ATP2B3: variants seen among roughly 807,000 people sequenced by gnomAD.
ATP2B3 encodes the protein plasma membrane calcium-transporting ATPase 3.
ATP2B3 carries 12 observed loss-of-function variants against 70.8 expected under a neutral mutation model. That is an observed-to-expected ratio of 0.17 (90% confidence interval 0.11 to 0.27). The LOEUF (loss-of-function observed/expected upper bound fraction) is 0.27. Ranked by LOEUF, ATP2B3 falls within the 10% of genes least tolerant of loss-of-function variation. The pLI is 1.00. For missense variants in ATP2B3, 858 were observed against 1,118.5 expected, an observed-to-expected ratio of 0.77 and a Z score of 3.32; for synonymous variants, 460 against 497.8, an observed-to-expected ratio of 0.92 and a Z score of 1.01.
At chrX:153,542,616 G>A (rs2090303763) in intron 6 of ATP2B3, among the ~76,000 whole-genome samples, 168 bp downstream of exon 6, 1 of 113,061 alleles carries the variant, frequency 8.8e-6, no homozygotes, top group Non-Finnish European at 1.9e-5. Flanking sequence ...GAGGCCTGAT[G>A]GTGGCAGCTC....
intron 2 of ATP2B3, among the ~76,000 whole-genome samples, chrX:153,522,411 C>T (rs1556998122): frequency 1.8e-5 from 2 of 112,139 alleles, no homozygotes; most frequent in Non-Finnish European, 3.8e-5. Context: ...CGAGGCCAGC[C>T]GGTATCTCCC....
At chrX:153,563,902 G>A (rs782498059) in intron 20 of ATP2B3, among the ~76,000 whole-genome samples, 6 of 112,845 alleles carry the variant, frequency 5.3e-5, no homozygotes, top group Non-Finnish European at 9.4e-5. Flanking sequence ...GGCCATGTTC[G>A]ACAAATACAC....
chrX:153,530,520 C>G (rs2090098683), intron 2 of ATP2B3, among the ~76,000 whole-genome samples: 1 of 112,965 alleles, frequency 8.9e-6, no homozygotes, highest in Middle Eastern at 4.6e-3. Context: ...TCCTCCTTGT[C>G]TGGACCCTTG....
intron 18 of ATP2B3, 35 bp from the exon 19 acceptor site, chrX:153,560,641 A>G: frequency 2.5e-6 from 3 of 1,199,712 alleles, no homozygotes; most frequent in Non-Finnish European, 3.4e-6. Flanking sequence ...ATGCGCTGAG[A>G]TGACTGTGCC....
intron 7 of ATP2B3, 43 bp downstream of exon 7, chrX:153,543,211 C>G (rs781843053): frequency 8.5e-7 from 1 of 1,176,662 alleles, no homozygotes; most frequent in East Asian, 3.1e-5. Context: ...GGTGGCGGCT[C>G]CTTCCACGCT....
At chrX:153,564,262 G>A (rs1364492154) in intron 20 of ATP2B3, among the ~76,000 whole-genome samples, 2 of 112,928 alleles carry the variant, frequency 1.8e-5, no homozygotes, top group African/African-American at 6.4e-5. Context: ...TCCCAGCAAC[G>A]GTGTGGAGCG....
intron 12 of ATP2B3, among the ~76,000 whole-genome samples, chrX:153,551,125 C>T (rs5945292): frequency 0.45 from 50,336 of 110,774 alleles, 9,148 homozygotes; most frequent in South Asian, 0.65. Flanking sequence ...ATGGCTGGGT[C>T]GTGGTGTCCA....
rs782700360 is a variant in ATP2B3, at chrX:153,556,202, C to T, written c.2212C>T (p.Arg738Trp). Reference sequence around the variant, plus strand: ...GTGCCTAGAAGGGAAGGAGTTCAACCGGCGGATCCGCAATGAGAAAGGCGA... The same window carrying T: ...GTGCCTAGAAGGGAAGGAGTTCAACTGGCGGATCCGCAATGAGAAAGGCGA... ...FLCLEGKEFN[R>W]RIRNEKGEIE... is the part of the protein sequence containing the mutation. The change falls in exon 14 of 22, where the codon CGG (arginine) becomes TGG (tryptophan). Residue 738 changes from arginine (R) to tryptophan (W), a missense_variant. Arg to Trp is a moderately radical substitution (Grantham distance 101). Around this residue, in one of 5 missense-constraint regions of ATP2B3, gnomAD observed 242 missense variants for 281.3 expected, o/e 0.86. Coordinates refer to ENST00000263519, the MANE Select transcript of ATP2B3 (RefSeq NM_001001344.3). The T allele has an allele frequency of 1.0e-4, 122 of 1,208,135 alleles. No individual in the cohort carries two copies. The highest frequency in any genetic ancestry group is 2.3e-4 in the Middle Eastern group (1 of 4,358).
chrX:153,576,091 G>A lies in ATP2B3; in HGVS notation c.3343-3887G>A, dbSNP rs147170103. Among the ~76,000 whole-genome samples the A allele has an allele frequency of 8.0e-5, 9 of 111,828 alleles. 1 individual carries two copies. The East Asian group carries it at 2.5e-3, about 32-fold the overall frequency. On this transcript the variant is annotated intron_variant, in intron 21 of 21. Coordinates refer to ENST00000263519, the MANE Select transcript of ATP2B3 (RefSeq NM_001001344.3). ...ATTGTCACAGTAAAACGGGCTTTTG[G>A]GGGTACAGTTCAATGAATTTCCACA...
At position 153,558,090 on chromosome X, in the gene ATP2B3, AGT is replaced by A; in HGVS notation, c.2434-13_2434-12del. ...GGGGCCCCCACAAACACTCTGTGTGAGTGTGTGTGTCACCCCCCCAGGGCATC... is the reference window on the plus strand; with the variant it reads ...GGGGCCCCCACAAACACTCTGTGTGAGTGTGTGTCACCCCCCCAGGGCATC... On this transcript the variant is annotated intron_variant, in intron 16 of 21. Transcript: ENST00000263519. 3 of 1,194,133 alleles carry A rather than the reference AGT, an allele frequency of 2.5e-6. No homozygotes were observed. Among genetic ancestry groups the A allele is most frequent in the East Asian group, 3.0e-5 (1 of 33,440 alleles).
intron 3 of ATP2B3, 129 bp downstream of exon 3, chrX:153,536,584 C>G: frequency 1.4e-6 from 1 of 735,573 alleles, no homozygotes; most frequent in Non-Finnish European, 2.0e-6. Context: ...TCAGCCATTT[C>G]CCTTGAGGGG....
At chrX:153,537,353 T>G (rs1319261927) in intron 3 of ATP2B3, among the ~76,000 whole-genome samples, 1 of 113,329 alleles carries the variant, frequency 8.8e-6, no homozygotes, top group East Asian at 2.8e-4. Context: ...GCTGATTTGA[T>G]CTGCTGCCCA....
chrX:153,528,711 TTTGA>T (rs2090070245), intron 2 of ATP2B3, among the ~76,000 whole-genome samples: 1 of 112,274 alleles, frequency 8.9e-6, no homozygotes, highest in Non-Finnish European at 1.9e-5. Flanking sequence ...TCTGAGCTCC[TTTGA>T]TTGTGTCATA....
intron 8 of ATP2B3, among the ~76,000 whole-genome samples, chrX:153,547,583 TCTGTC>T (rs782294256): frequency 1.3e-4 from 14 of 111,568 alleles, no homozygotes; most frequent in Non-Finnish European, 2.6e-4. Context: ...TTGTGCTGTG[TCTGTC>T]CTCCCTTCTC....
chrX:153,567,321 C>A (rs1557018483), intron 21 of ATP2B3, among the ~76,000 whole-genome samples: 1 of 113,430 alleles, frequency 8.8e-6, no homozygotes, highest in African/African-American at 3.2e-5. Context: ...TCCCCCAGTG[C>A]CCTCCTAGCG....
intron 10 of ATP2B3, 45 bp from the exon 11 acceptor site, chrX:153,549,452 C>T: frequency 8.3e-7 from 1 of 1,206,604 alleles, no homozygotes; most frequent in Admixed American, 2.2e-5. Context: ...CTCCTCCACC[C>T]CAACAAGCAC....
At position 153,543,150 on chromosome X, in the gene ATP2B3, G is replaced by A; in HGVS notation, c.898G>A (p.Glu300Lys). 1 of 1,210,990 alleles carries A rather than the reference G, an allele frequency of 8.3e-7. No homozygotes were observed. The highest frequency in any genetic ancestry group is 1.1e-6 in the Non-Finnish European group (1 of 895,176). ...TLLGAGGEEE[E>K]KKDKKGKQQD... The stretch of plus-strand genomic sequence containing the variant: ...GCTTGGAGCTGGCGGAGAGGAGGAA[G>A]AGAAGAAAGATAAGAAAGGTAGCGC... The change falls in exon 7 of 22, where the codon GAG (glutamate) becomes AAG (lysine). Residue 300 changes from glutamate (E) to lysine (K), a missense_variant. By Grantham distance (56) the Glu-to-Lys change is moderately conservative (BLOSUM62 1). Around this residue, in one of 5 missense-constraint regions of ATP2B3, gnomAD observed 278 missense variants for 366.2 expected, o/e 0.76. Coordinates refer to ENST00000263519, the MANE Select transcript of ATP2B3 (RefSeq NM_001001344.3).
chrX:153,547,745 T>C, intron 8 of ATP2B3, 90 bp from the exon 9 acceptor site: 2 of 1,030,271 alleles, frequency 1.9e-6, no homozygotes, highest in South Asian at 2.6e-5. Context: ...CTCTCTATGG[T>C]GTGGCATGTC....
intron 1 of ATP2B3, among the ~76,000 whole-genome samples, 91 bp from the exon 2 acceptor site, chrX:153,518,341 G>A (rs1466487033): frequency 4.5e-5 from 5 of 110,209 alleles, no homozygotes; most frequent in Non-Finnish European, 9.5e-5. Context: ...GCACGCCCAC[G>A]CGGCTGCCCA....
Sources: allele counts gnomAD v4.1 joint callset (sites outside exome capture counted in the v4.1 genomes callset), GRCh38; gene constraint gnomAD v4.1.1; regional missense constraint gnomAD v4.1.1; transcripts MANE v1.5; gene names NCBI Gene and HGNC (gene_info 2026-07-23, HGNC 2026-07-21).